The following HSD17B12 variants were observed in gnomAD, a reference collection of about 807,000 sequenced individuals.
HSD17B12 encodes the protein very-long-chain 3-oxoacyl-CoA reductase.
In HSD17B12, 32 loss-of-function variants were observed where a neutral mutation model predicts 39.3. The observed-to-expected ratio is 0.81, with a 90% confidence interval of 0.61 to 1.09. HSD17B12 has a LOEUF of 1.09. HSD17B12 is among the 50% of genes least tolerant of loss of function. The pLI is 0.00. For missense variants in HSD17B12, 342 were observed against 382.9 expected, an observed-to-expected ratio of 0.89 and a Z score of 0.89; for synonymous variants, 150 against 146.7, an observed-to-expected ratio of 1.02 and a Z score of -0.16.
intron 1 of HSD17B12, chr11:43,719,221 G>A (rs950426499): frequency 4.7e-6 from 3 of 639,248 alleles, no homozygotes; most frequent in Non-Finnish European, 8.6e-6. Flanking sequence ...ATTTCTGGTT[G>A]GGCTGGGAGG....
chr11:43,813,874 T>C (rs1408074995), intron 4 of HSD17B12, among the ~76,000 whole-genome samples: 5 of 152,222 alleles, frequency 3.3e-5, no homozygotes, highest in Admixed American at 3.3e-4. Context: ...ACATTTCTTC[T>C]GACAGGTTTC....
At position 43,680,807 on chromosome 11, in the gene HSD17B12, A is replaced by T. The variant is rs1400436881; in HGVS notation, c.-21A>T. 14 of 1,593,090 alleles carry T rather than the reference A, an allele frequency of 8.8e-6. No homozygotes were observed. The highest frequency in any genetic ancestry group is 3.3e-4 in the Middle Eastern group (2 of 6,056). On this transcript the variant is annotated 5_prime_UTR_variant, in exon 1 of 11. Coordinates refer to ENST00000278353, the MANE Select transcript of HSD17B12 (RefSeq NM_016142.3). ...ACTCGCTCTTTTCATTCACGAAGGTAGTGAGGCCTAGTGGAAAGCCATGGA... is the reference window on the plus strand; with the variant it reads ...ACTCGCTCTTTTCATTCACGAAGGTTGTGAGGCCTAGTGGAAAGCCATGGA...
intron 1 of HSD17B12, among the ~76,000 whole-genome samples, chr11:43,717,843 C>T (rs1009370373): frequency 1.2e-4 from 18 of 144,762 alleles, no homozygotes; most frequent in African/African-American, 3.6e-4. Flanking sequence ...CTGGCTCTGT[C>T]GCCCAGGCTG....
At chr11:43,786,441 T>C (rs7118602) in intron 3 of HSD17B12, among the ~76,000 whole-genome samples, 54,739 of 152,082 alleles carry the variant, frequency 0.36, 10,588 homozygotes, top group East Asian at 0.68. Context: ...CGGGTGCCAC[T>C]GCTTTGATTC....
At chr11:43,816,880 C>G (rs1343526232) in intron 6 of HSD17B12, among the ~76,000 whole-genome samples, 2 of 151,906 alleles carry the variant, frequency 1.3e-5, no homozygotes, top group East Asian at 3.8e-4. Context: ...GTTTTCCATT[C>G]CTGAGTTACG....
chr11:43,688,355 GTTC>G (rs1231442104), intron 1 of HSD17B12, among the ~76,000 whole-genome samples: 1 of 152,206 alleles, frequency 6.6e-6, no homozygotes, highest in African/African-American at 2.4e-5. Context: ...GGTATGGGAA[GTTC>G]TTCTCTTACA....
intron 3 of HSD17B12, among the ~76,000 whole-genome samples, chr11:43,763,218 C>T (rs1950568433): frequency 6.6e-6 from 1 of 151,908 alleles, no homozygotes; most frequent in Admixed American, 6.6e-5. Flanking sequence ...TCTTAGGTAC[C>T]CAAGACAAGA....
intron 4 of HSD17B12, among the ~76,000 whole-genome samples, chr11:43,806,838 A>G (rs1951023074): frequency 6.6e-6 from 1 of 152,240 alleles, no homozygotes; most frequent in South Asian, 2.1e-4. Flanking sequence ...AAATGTTCCT[A>G]GCGAAAGAAA....
At chr11:43,782,636 C>T (rs540154091) in intron 3 of HSD17B12, among the ~76,000 whole-genome samples, 40 of 148,710 alleles carry the variant, frequency 2.7e-4, no homozygotes, top group Admixed American at 8.8e-4. Flanking sequence ...GATTGCGCCA[C>T]TGCACTCCAG....
chr11:43,834,331 C>G (rs1010313523), intron 7 of HSD17B12, among the ~76,000 whole-genome samples: 8 of 151,484 alleles, frequency 5.3e-5, no homozygotes, highest in Non-Finnish European at 1.2e-4. Context: ...TTTTGTACTC[C>G]TTGATATGAA....
chr11:43,772,656 T>A (rs1950660587), intron 3 of HSD17B12, among the ~76,000 whole-genome samples: 1 of 152,256 alleles, frequency 6.6e-6, no homozygotes, highest in South Asian at 2.1e-4. Context: ...AATGCCGATG[T>A]ACTAGCTTGT....
At chr11:43,849,180 C>T (rs1951507558) in intron 9 of HSD17B12, among the ~76,000 whole-genome samples, 1 of 152,064 alleles carries the variant, frequency 6.6e-6, no homozygotes, top group Non-Finnish European at 1.5e-5. Context: ...TGGTGTGCAC[C>T]TGTGGTCCTT....
chr11:43,790,568 A>T (rs1340891029), intron 3 of HSD17B12, among the ~76,000 whole-genome samples: 1 of 152,174 alleles, frequency 6.6e-6, no homozygotes, highest in Non-Finnish European at 1.5e-5. Flanking sequence ...ACCAAGAGAG[A>T]TACTAAGTGA....
At position 43,839,977 on chromosome 11, in the gene HSD17B12, C is replaced by T. The variant is rs1351068712; in HGVS notation, c.619-22C>T. 26 of 1,600,122 alleles carry T rather than the reference C, an allele frequency of 1.6e-5. No homozygotes were observed. The South Asian group carries it at 2.7e-4, about 16-fold the overall frequency. Reference sequence around the variant, plus strand: ...ATTGATGTAATGTGTGTGTTTTCTTCTCACTCCCACTCCCCTCCCAGACTT... The same window carrying T: ...ATTGATGTAATGTGTGTGTTTTCTTTTCACTCCCACTCCCCTCCCAGACTT... On this transcript the variant is annotated intron_variant, in intron 8 of 10. Coordinates refer to ENST00000278353, the MANE Select transcript of HSD17B12 (RefSeq NM_016142.3).
intron 4 of HSD17B12, among the ~76,000 whole-genome samples, chr11:43,801,595 G>GATATATATATATATATAT (rs55674379): frequency 9.6e-5 from 7 of 72,754 alleles, no homozygotes; most frequent in Non-Finnish European, 1.6e-4. Flanking sequence ...GATAGTTGGA[G>GATATATATATATATATAT]ATATATATAT....
chr11:43,664,521 G>C, the HSD17B12 span, among the ~76,000 whole-genome samples: 1 of 152,194 alleles, frequency 6.6e-6, no homozygotes, highest in Non-Finnish European at 1.5e-5. Context: ...AAATAACACA[G>C]GGACATGTGT....
chr11:43,582,425 A>C, the HSD17B12 span, among the ~76,000 whole-genome samples: 20 of 152,086 alleles, frequency 1.3e-4, no homozygotes, highest in Non-Finnish European at 2.4e-4. Flanking sequence ...AAGTGGCACA[A>C]ATCAGGCCTT....
chr11:43,845,226 C>T (rs7946394), intron 9 of HSD17B12, among the ~76,000 whole-genome samples: 23 of 152,354 alleles, frequency 1.5e-4, no homozygotes, highest in Middle Eastern at 3.4e-3. Context: ...TCAAGTAATT[C>T]TCCCGCATTG....
chr11:43,569,020 C>G, the HSD17B12 span, among the ~76,000 whole-genome samples: 1 of 152,192 alleles, frequency 6.6e-6, no homozygotes, highest in Non-Finnish European at 1.5e-5. Context: ...TTTCAGTTCT[C>G]CTGTAGCTCA....
Sources: allele counts gnomAD v4.1 joint callset (sites outside exome capture counted in the v4.1 genomes callset), GRCh38; gene constraint gnomAD v4.1.1; transcripts MANE v1.5; gene names NCBI Gene and HGNC (gene_info 2026-07-23, HGNC 2026-07-21).